The following PARD3 variants were observed in gnomAD, a reference collection of about 807,000 sequenced individuals.
PARD3 encodes par-3 family cell polarity regulator.
Under a neutral mutation model 155.4 loss-of-function variants are expected in PARD3, and 75 were observed. The observed-to-expected ratio is 0.48, with a 90% CI of 0.40 to 0.58. The LOEUF is 0.58. Among genes scored for constraint, PARD3 ranks in the 20% least tolerant of loss-of-function variants. The pLI is 0.00. For missense variants in PARD3, 1,642 were observed against 1,721.7 expected, an observed-to-expected ratio of 0.95 and a Z score of 0.82; for synonymous variants, 576 against 610.5, an observed-to-expected ratio of 0.94 and a Z score of 0.83.
intron 2 of PARD3, among the ~76,000 whole-genome samples, chr10:34,644,528 C>T (rs528526530): frequency 6.6e-6 from 1 of 152,330 alleles, no homozygotes; most frequent in African/African-American, 2.4e-5. Flanking sequence ...ATGTTAAACC[C>T]TTCAACCACT....
At chr10:34,412,900 A>G (rs982247018) in intron 5 of PARD3, among the ~76,000 whole-genome samples, 4 of 152,164 alleles carry the variant, frequency 2.6e-5, no homozygotes, top group African/African-American at 9.7e-5. Context: ...CCAAATAAGA[A>G]ATAGAAAATA....
intron 14 of PARD3, among the ~76,000 whole-genome samples, chr10:34,358,378 G>T (rs1347021877): frequency 6.6e-6 from 1 of 152,094 alleles, no homozygotes; most frequent in Non-Finnish European, 1.5e-5. Flanking sequence ...CATACATTTA[G>T]AACAAGCAGA....
intron 22 of PARD3, among the ~76,000 whole-genome samples, chr10:34,210,519 G>A (rs1951694801): frequency 6.6e-6 from 1 of 152,128 alleles, no homozygotes; most frequent in Admixed American, 6.5e-5. Flanking sequence ...AAGGTGTTAT[G>A]ACCTTTCTAC....
chr10:34,481,000 C>T (rs2079051327), intron 3 of PARD3, among the ~76,000 whole-genome samples: 1 of 151,924 alleles, frequency 6.6e-6, no homozygotes, highest in Admixed American at 6.6e-5. Flanking sequence ...TGGGGTTTCA[C>T]CATGTTGACC....
intron 3 of PARD3, among the ~76,000 whole-genome samples, chr10:34,511,338 T>C (rs2081386391): frequency 6.6e-6 from 1 of 152,230 alleles, no homozygotes; most frequent in African/African-American, 2.4e-5. Flanking sequence ...TTGATTATTA[T>C]TTTTTAATGG....
At chr10:34,158,958 C>A (rs931472391) in intron 22 of PARD3, among the ~76,000 whole-genome samples, 2 of 152,174 alleles carry the variant, frequency 1.3e-5, no homozygotes, top group African/African-American at 4.8e-5. Flanking sequence ...CTGCCCATAT[C>A]TTTCCATCAG....
intron 22 of PARD3, among the ~76,000 whole-genome samples, chr10:34,246,328 T>A (rs1036424384): frequency 4.6e-5 from 7 of 151,998 alleles, no homozygotes; most frequent in Admixed American, 6.6e-5. Flanking sequence ...TAGTCAAAAA[T>A]AGGAAACAAC....
At chr10:34,335,554 C>T (rs1325083859) in intron 18 of PARD3, among the ~76,000 whole-genome samples, 2 of 151,922 alleles carry the variant, frequency 1.3e-5, no homozygotes, top group Non-Finnish European at 2.9e-5. Context: ...AATCCCAGTT[C>T]AATATAATCC....
intron 22 of PARD3, among the ~76,000 whole-genome samples, chr10:34,241,316 C>T (rs1953576863): frequency 6.6e-6 from 1 of 152,070 alleles, no homozygotes. Context: ...GCACTAGCAG[C>T]CTAGGACTCT....
intron 21 of PARD3, 47 bp from the exon 22 acceptor site, chr10:34,269,946 T>C (rs747372280): frequency 2.5e-6 from 4 of 1,573,636 alleles, no homozygotes; most frequent in Non-Finnish European, 1.7e-6. Context: ...TTTCCTTTTT[T>C]AGGAACTGCA....
intron 22 of PARD3, among the ~76,000 whole-genome samples, chr10:34,233,373 G>C (rs1953041741): frequency 6.6e-6 from 1 of 151,874 alleles, no homozygotes; most frequent in Non-Finnish European, 1.5e-5. Context: ...CTCAACACAG[G>C]AGATTCCCAA....
intron 16 of PARD3, among the ~76,000 whole-genome samples, chr10:34,340,110 A>C (rs1836644327): frequency 6.6e-6 from 1 of 152,132 alleles, no homozygotes; most frequent in African/African-American, 2.4e-5. Context: ...TCTTTGCCCC[A>C]CATTCCCCAC....
At chr10:34,129,870 A>G (rs1270916771) in intron 23 of PARD3, among the ~76,000 whole-genome samples, 7 of 127,786 alleles carry the variant, frequency 5.5e-5, no homozygotes, top group African/African-American at 2.1e-4. Flanking sequence ...GGGTCTCCCT[A>G]TGTTGCCCAA....
At chr10:34,699,509 C>G (rs1466885583) in intron 1 of PARD3, among the ~76,000 whole-genome samples, 3 of 152,118 alleles carry the variant, frequency 2.0e-5, no homozygotes, top group African/African-American at 7.2e-5. Flanking sequence ...GAACAGAGGA[C>G]TTGCTTTATT....
At position 34,441,647 on chromosome 10, in the gene PARD3, G is replaced by A. The variant is rs149613059; in HGVS notation, c.714+8670C>T. On this transcript the variant is annotated intron_variant, in intron 5 of 24. Coordinates refer to ENST00000374788, the MANE Select transcript of PARD3 (RefSeq NM_001184785.2). ...ATGTGTGTGTCCTTCTAAGAAGAAC[G>A]TCCACCAGAGCCCCACACTCCGGTC... 5.9e-5 allele frequency among the ~76,000 whole-genome samples: 9 copies of A among 152,046 alleles called. No individual in the cohort carries two copies. The East Asian group carries it at 7.8e-4, about 13-fold the overall frequency.
intron 2 of PARD3, among the ~76,000 whole-genome samples, chr10:34,520,704 GACT>G (rs2082092491): frequency 2.0e-5 from 3 of 152,246 alleles, no homozygotes; most frequent in African/African-American, 4.8e-5. Context: ...AAATGACTGT[GACT>G]ACATTTGAAT....
chr10:34,192,835 G>T (rs1361476812), intron 22 of PARD3, among the ~76,000 whole-genome samples: 1 of 152,120 alleles, frequency 6.6e-6, no homozygotes, highest in African/African-American at 2.4e-5. Context: ...CTATGAATGG[G>T]ATAGAAATAG....
At position 34,709,651 on chromosome 10, in the gene PARD3, G is replaced by A. The variant is rs185783659; in HGVS notation, c.121-13232C>T. 1.5e-4 allele frequency among the ~76,000 whole-genome samples: 23 copies of A among 152,192 alleles called. No homozygotes were observed. The East Asian group carries it at 3.1e-3, about 20-fold the overall frequency. ...AGGTAGCACCAGAGCCCAGGGTGGCGGAAGTGGGAGCCATGGAGGACTCAG... is the reference window on the plus strand; with the variant it reads ...AGGTAGCACCAGAGCCCAGGGTGGCAGAAGTGGGAGCCATGGAGGACTCAG... On this transcript the variant is annotated intron_variant, in intron 1 of 24. Coordinates refer to ENST00000374788, the MANE Select transcript of PARD3 (RefSeq NM_001184785.2).
At chr10:34,115,628 C>A (rs916292286) in intron 24 of PARD3, among the ~76,000 whole-genome samples, 2 of 151,886 alleles carry the variant, frequency 1.3e-5, no homozygotes, top group African/African-American at 4.8e-5. Context: ...TTAATTAATT[C>A]TTTTATGCTA....
Sources: gnomAD v4.1 joint callset for allele counts (sites outside exome capture counted in the v4.1 genomes callset) on GRCh38, gnomAD v4.1.1 for gene constraint, MANE v1.5 for transcripts, NCBI Gene and HGNC (gene_info 2026-07-23, HGNC 2026-07-21) for gene names.